Variants in ZNF304 observed in about 807,000 individuals in gnomAD.
ZNF304 encodes zinc finger protein 304, also known as KRAB-containing zinc finger protein.
A neutral mutation model predicts 7.8 loss-of-function variants in ZNF304; 7 were observed. The ratio of observed to expected loss-of-function variants is 0.90; its 90% CI spans 0.51 to 1.69. The LOEUF is 1.69. ZNF304 is among the 40% of genes most tolerant of loss of function. The pLI, the probability that ZNF304 is intolerant of heterozygous loss-of-function variation, is 0.00. For synonymous variants in ZNF304, 280 were observed against 272.4 expected, an observed-to-expected ratio of 1.03 and a Z score of -0.27; for missense variants, 669 against 804.8, an observed-to-expected ratio of 0.83 and a Z score of 2.04.
rs1322355600 is a variant in ZNF304 at position 57,351,279 on chromosome 19, C to T, written c.-386C>T. 8.5e-6 allele frequency: 2 copies of T among 235,750 alleles called. No homozygotes were observed. Among genetic ancestry groups the T allele is most frequent in the Non-Finnish European group, 1.7e-5 (2 of 119,548 alleles). 14.6% of individuals were successfully genotyped at this position (235,750 alleles called of 1,614,324 possible). ...GGCGTCGCCGTCGTGACGTATTTTT[C>T]CTATGCCCGGTCCGTGCATTCTGGT... is the stretch of plus-strand genomic sequence containing the variant. On this transcript the variant is annotated 5_prime_UTR_variant, in exon 1 of 3. Transcript: ENST00000282286. This position sits in a 1 kb window ranked among gnomAD's most constrained non-coding sequence, Gnocchi z 4.1.
At position 57,357,309 on chromosome 19, in the gene ZNF304, TG is replaced by T; in HGVS notation, c.1443del (p.Lys482ArgfsTer171). ...GARPYECSEC[G>X]KAFSRKDTLV... ...CAAGGCCTTATGAGTGCAGTGAATG[TG>T]GGAAGGCCTTCAGCCGTAAAGACAC... On this transcript the variant is annotated frameshift_variant, in exon 3 of 3. Coordinates refer to ENST00000282286, the MANE Select transcript of ZNF304 (RefSeq NM_020657.4). LOFTEE classifies it low-confidence loss of function (END_TRUNC). 1 of 1,614,100 alleles carries T rather than the reference TG, an allele frequency of 6.2e-7. No homozygotes were observed. Among genetic ancestry groups the T allele is most frequent in the African/African-American group, 1.3e-5 (1 of 75,002 alleles).
chr19:57,356,545 G>T lies in ZNF304; in HGVS notation c.676G>T (p.Gly226Cys). Residue 226 changes from glycine (G) to cysteine (C), a missense_variant, in exon 3 of 3, where the codon GGT (glycine) becomes TGT (cysteine). Physicochemically the swap from Gly to Cys is radical, Grantham distance 159. Coordinates refer to ENST00000282286, the MANE Select transcript of ZNF304 (RefSeq NM_020657.4). ...TGATGGACAGATGCTTTTCAGTTGC[G>T]GTGATGAAGGGAAAGCCTTCCTGGA... ...DYDGQMLFSCGDEGKAFLDTF... is the reference protein window; with the variant it reads ...DYDGQMLFSCCDEGKAFLDTF... The T allele has an allele frequency of 1.2e-6, 2 of 1,614,136 alleles. No homozygotes were observed. The highest frequency in any genetic ancestry group is 1.7e-6 in the Non-Finnish European group (2 of 1,180,032).
chr19:57,352,658 G>A (rs1184536609), intron 1 of ZNF304: 1 of 152,328 alleles, frequency 6.6e-6, no homozygotes, highest in Non-Finnish European at 1.5e-5. Context: ...CTTTCAGGTT[G>A]AGAACAGACT....
Position 57,356,711 on chromosome 19 carries a change from G to A in ZNF304, c.842G>A (p.Cys281Tyr), listed in dbSNP as rs1266397020. The A allele has an allele frequency of 1.2e-6, 2 of 1,614,126 alleles. No individual in the cohort carries two copies. The highest frequency in any genetic ancestry group is 1.7e-6 in the Non-Finnish European group (2 of 1,180,054). Residue 281 changes from cysteine (C) to tyrosine (Y), a missense_variant, in exon 3 of 3, where the codon TGT becomes TAT. Coordinates refer to ENST00000282286, the MANE Select transcript of ZNF304 (RefSeq NM_020657.4). The part of the protein sequence containing the change: ...KIHSGEISHV[C>Y]KECGKAFIHL... ...CACAGTGGAGAAATATCTCATGTGT[G>A]TAAGGAGTGTGGAAAAGCCTTCATT...
chr19:57,353,972 T>C (rs533564397), intron 2 of ZNF304, 121 bp downstream of exon 2: 1 of 811,902 alleles, frequency 1.2e-6, no homozygotes, highest in South Asian at 2.5e-5. Flanking sequence ...GGTTAGAGCA[T>C]TTTTTGTTGT....
Position 57,356,039 on chromosome 19 carries a change from G to T in ZNF304, c.170G>T (p.Cys57Phe), listed in dbSNP as rs746355877. ...TCTTTTTTGCTTTCAGGTTTTTGGT[G>T]TGAAGCAGAACATGAGGCACCTTCT... ...FALVATLGFW[C>F]EAEHEAPSEQ... Residue 57 changes from cysteine (C) to phenylalanine (F), a missense_variant, in exon 3 of 3, where the codon TGT becomes TTT. Transcript: ENST00000282286. The T allele has an allele frequency of 6.3e-7, 1 of 1,598,206 alleles. No homozygotes were observed. The highest frequency in any genetic ancestry group is 1.1e-5 in the South Asian group (1 of 89,516).
chr19:57,356,015 C>CT lies in ZNF304; in HGVS notation c.161-9dup. The CT allele has an allele frequency of 6.3e-7, 1 of 1,587,144 alleles. No individual in the cohort carries two copies. Among genetic ancestry groups the CT allele is most frequent in the East Asian group, 2.2e-5 (1 of 44,524 alleles). The stretch of plus-strand genomic sequence containing the variant: ...AAAGTCAGCATGCACTTCACCAGCT[C>CT]TTTTTTGCTTTCAGGTTTTTGGTGT... On this transcript the variant is annotated splice_polypyrimidine_tract_variant and intron_variant, in intron 2 of 2. Coordinates refer to ENST00000282286, the MANE Select transcript of ZNF304 (RefSeq NM_020657.4).
chr19:57,355,745 C>T (rs191318110), intron 2 of ZNF304, among the ~76,000 whole-genome samples: 3 of 152,214 alleles, frequency 2.0e-5, no homozygotes, highest in East Asian at 3.9e-4. Context: ...CTGACACCAG[C>T]GGCCAAGGCC....
In ZNF304 at chr19:57,356,634, A is replaced by G. The variant is rs759224038; in HGVS notation, c.765A>G (p.Pro255=). 7.7e-5 allele frequency: 125 copies of G among 1,614,192 alleles called. 2 individuals carry two copies. The South Asian group carries it at 1.2e-3, about 16-fold the overall frequency. The change falls in exon 3 of 3, where the codon CCA becomes CCG. Residue 255 remains proline, a synonymous_variant. Transcript: ENST00000282286. The part of the protein sequence containing the change: ...HAEVRPFRCL[P]CGNVFKEKSA... ...AGGTGAGACCCTTCAGATGCCTACC[A>G]TGTGGAAATGTGTTCAAGGAGAAAT...
intron 2 of ZNF304, chr19:57,355,405 G>A: frequency 1.3e-6 from 1 of 763,384 alleles, no homozygotes; most frequent in Non-Finnish European, 2.4e-6. Context: ...ATGGGAGCTG[G>A]AAGAGGGTAT....
Position 57,358,733 on chromosome 19 carries a change from CTGCCAGGATTTCCTGTGAGCCCAG to C in ZNF304, c.*887_*910del, listed in dbSNP as rs1331845724. 9 of 152,208 alleles carry C rather than the reference CTGCCAGGATTTCCTGTGAGCCCAG, an allele frequency of 5.9e-5. No homozygotes were observed. The highest frequency in any genetic ancestry group is 5.9e-4 in the Admixed American group (9 of 15,282). The allele number at this position is 152,208 out of a possible 1,614,324, so 9.4% of individuals were successfully genotyped here. On this transcript the variant is annotated 3_prime_UTR_variant, in exon 3 of 3. Transcript: ENST00000282286. ...TTTTGTGCCTAACTTTGTGGCCTGGCTGCCAGGATTTCCTGTGAGCCCAGTGAGGAGGGCATAGTTGGTGCGAAA... is the reference window on the plus strand; with the variant it reads ...TTTTGTGCCTAACTTTGTGGCCTGGCTGAGGAGGGCATAGTTGGTGCGAAA...
rs862709 is a variant in ZNF304, at chr19:57,356,968, A to G, written c.1099A>G (p.Lys367Glu). Residue 367 changes from lysine (K) to glutamate (E), a missense_variant, in exon 3 of 3, where the codon AAA (lysine) becomes GAA (glutamate). Coordinates refer to ENST00000282286, the MANE Select transcript of ZNF304 (RefSeq NM_020657.4). ...HTGERPYKCNKCGKAFSRKDT... is the reference protein window; with the variant it reads ...HTGERPYKCNECGKAFSRKDT... Reference sequence around the variant, plus strand: ...AGGAGAAAGGCCTTATAAGTGCAACAAATGTGGGAAAGCCTTTAGCCGTAA... The same window carrying G: ...AGGAGAAAGGCCTTATAAGTGCAACGAATGTGGGAAAGCCTTTAGCCGTAA... 0.99 allele frequency: 1,591,029 copies of G among 1,614,164 alleles called. 784,163 individuals are homozygous for G. The highest frequency in any genetic ancestry group is 1 in the Middle Eastern group (6,052 of 6,060).
In ZNF304 at chr19:57,357,096, C is replaced by T; in HGVS notation, c.1227C>T (p.His409=). 1 of 1,613,014 alleles carries T rather than the reference C, an allele frequency of 6.2e-7. No homozygotes were observed. The highest frequency in any genetic ancestry group is 8.5e-7 in the Non-Finnish European group (1 of 1,179,406). The part of the protein sequence containing the change: ...FFSQSSHLIE[H]WRIHTGARPY... ...GCCAAAGCTCCCACCTTATTGAGCA[C>T]TGGAGAATTCATACCGGGGCAAGGC... Residue 409 remains histidine, a synonymous_variant, in exon 3 of 3, where the codon CAC becomes CAT. Coordinates refer to ENST00000282286, the MANE Select transcript of ZNF304 (RefSeq NM_020657.4).
chr19:57,354,275 G>A (rs537203505), intron 2 of ZNF304, among the ~76,000 whole-genome samples: 20 of 152,238 alleles, frequency 1.3e-4, no homozygotes, highest in African/African-American at 4.8e-4. Context: ...CAAAGTGCTG[G>A]GATTACAGGC....
Position 57,353,779 on chromosome 19 carries a change from C to G in ZNF304, c.88C>G (p.Leu30Val), listed in dbSNP as rs140167914. 6.2e-6 allele frequency: 10 copies of G among 1,613,712 alleles called. No homozygotes were observed. Among genetic ancestry groups the G allele is most frequent in the Non-Finnish European group, 8.5e-6 (10 of 1,179,820 alleles). The change falls in exon 2 of 3, where the codon CTC becomes GTC. Residue 30 changes from leucine (L) to valine (V), a missense_variant. Leu to Val is a conservative substitution (Grantham distance 32). Transcript: ENST00000282286. ...FVYFSREEWE[L>V]LEEAQRFLYR... Reference sequence around the variant, plus strand: ...GTACTTCTCTCGGGAGGAGTGGGAACTCCTTGAGGAGGCACAGAGATTCCT... The same window carrying G: ...GTACTTCTCTCGGGAGGAGTGGGAAGTCCTTGAGGAGGCACAGAGATTCCT...
chr19:57,353,203 G>A (rs922413087), intron 1 of ZNF304, among the ~76,000 whole-genome samples: 4 of 152,204 alleles, frequency 2.6e-5, no homozygotes, highest in African/African-American at 4.8e-5. Context: ...AGACGCGAGC[G>A]CTTCCTGGAC....
At chr19:57,352,001 G>A in intron 1 of ZNF304, 2 of 395,064 alleles carry the variant, frequency 5.1e-6, no homozygotes, top group South Asian at 9.6e-5. Flanking sequence ...TCTCTTCTGA[G>A]GGTGCTGGGA....
At chr19:57,355,837 TACCTC>T (rs1442391832) in intron 2 of ZNF304, among the ~76,000 whole-genome samples, 188 bp from the exon 3 acceptor site, 3 of 152,224 alleles carry the variant, frequency 2.0e-5, no homozygotes, top group Admixed American at 6.5e-5. Flanking sequence ...TTTAGGTCTT[TACCTC>T]ATAGTCAGGG....
Position 57,356,874 on chromosome 19 carries a change from T to C in ZNF304, c.1005T>C (p.Tyr335=), listed in dbSNP as rs1315467550. The C allele has an allele frequency of 1.2e-6, 2 of 1,614,120 alleles. No individual in the cohort carries two copies. Among genetic ancestry groups the C allele is most frequent in the South Asian group, 1.1e-5 (1 of 91,086 alleles). The part of the protein sequence containing the change: ...HQRVHTGERS[Y]DCSECGKAYS... Reference sequence around the variant, plus strand: ...GAGTTCACACTGGAGAAAGATCTTATGACTGCAGTGAATGTGGAAAAGCCT... The same window carrying C: ...GAGTTCACACTGGAGAAAGATCTTACGACTGCAGTGAATGTGGAAAAGCCT... The change falls in exon 3 of 3, where the codon TAT becomes TAC. Residue 335 remains tyrosine (Y), a synonymous_variant. Coordinates refer to ENST00000282286, the MANE Select transcript of ZNF304 (RefSeq NM_020657.4).
Sources: gnomAD v4.1 joint callset for allele counts (sites outside exome capture counted in the v4.1 genomes callset) on GRCh38, gnomAD v4.1.1 for gene constraint, Gnocchi (gnomAD v3.1) non-coding constraint, MANE v1.5 for transcripts, NCBI Gene and HGNC (gene_info 2026-07-23, HGNC 2026-07-21) for gene names.